Variants in PPFIA2 observed in about 807,000 individuals in gnomAD.
The protein encoded by PPFIA2 is liprin-alpha-2.
In PPFIA2, 46 loss-of-function variants were observed where a neutral mutation model predicts 175.5. That is an observed-to-expected ratio of 0.26 (90% confidence interval 0.21 to 0.34). The LOEUF (loss-of-function observed/expected upper bound fraction) is 0.34, where lower values mean the gene tolerates loss of function less well. PPFIA2 is among the 10% of genes least tolerant of loss of function. The probability of loss-of-function intolerance (pLI) is 1.00; values close to 1 mark genes in which losing one functional copy is unlikely to be tolerated. For synonymous variants in PPFIA2, 568 were observed against 511.4 expected, an observed-to-expected ratio of 1.11 and a Z score of -1.49; for missense variants, 1,179 against 1,506.1, an observed-to-expected ratio of 0.78 and a Z score of 3.60.
rs1567544266 is a variant in PPFIA2 at position 81,605,679 on chromosome 12, CTA to C, written c.303+71110_303+71111del. On this transcript the variant is annotated intron_variant, in intron 4 of 32. Coordinates refer to ENST00000549396, the MANE Select transcript of PPFIA2 (RefSeq NM_003625.5). ...TCTATCTATCTATCTATCTATCTAT[CTA>C]TCTATCTATCTAATCTGTCTATAAT... 9.7e-3 allele frequency among the ~76,000 whole-genome samples: 1,464 copies of C among 150,932 alleles called. 30 individuals carry two copies. Among genetic ancestry groups the C allele is most frequent in the African/African-American group, 0.033 (1,363 of 41,364 alleles).
At chr12:81,302,176 C>G in intron 22 of PPFIA2, 1 of 414,822 alleles carries the variant, frequency 2.4e-6, no homozygotes, top group South Asian at 1.8e-5. Flanking sequence ...ATAGCTTTTT[C>G]TATTTTACCT....
intron 3 of PPFIA2, among the ~76,000 whole-genome samples, chr12:81,703,442 T>C: frequency 6.6e-6 from 1 of 152,112 alleles, no homozygotes; most frequent in East Asian, 1.9e-4. Flanking sequence ...GTCCTATCAA[T>C]CCAATGTACA....
chr12:81,587,355 C>T (rs1215320835), intron 4 of PPFIA2, among the ~76,000 whole-genome samples: 1 of 151,934 alleles, frequency 6.6e-6, no homozygotes, highest in African/African-American at 2.4e-5. Flanking sequence ...CTCTCTCTTG[C>T]CTGCCACTTG....
chr12:81,710,363 A>T (rs1445695041), intron 3 of PPFIA2, among the ~76,000 whole-genome samples: 1 of 152,002 alleles, frequency 6.6e-6, no homozygotes, highest in Admixed American at 6.6e-5. Context: ...ACACATGTAC[A>T]TGCTATATAT....
At chr12:81,367,697 TA>T in intron 13 of PPFIA2, among the ~76,000 whole-genome samples, 1 of 151,634 alleles carries the variant, frequency 6.6e-6, no homozygotes, top group Non-Finnish European at 1.5e-5. Flanking sequence ...TTCAGAAACC[TA>T]ATATTACATG....
intron 4 of PPFIA2, among the ~76,000 whole-genome samples, chr12:81,557,996 C>A (rs1225405939): frequency 6.6e-6 from 1 of 152,018 alleles, no homozygotes; most frequent in Non-Finnish European, 1.5e-5. Context: ...ATTGGTGGTC[C>A]TGTCTCAAAT....
At chr12:81,646,866 G>A (rs920709995) in intron 4 of PPFIA2, among the ~76,000 whole-genome samples, 2 of 150,898 alleles carry the variant, frequency 1.3e-5, no homozygotes, top group African/African-American at 2.4e-5. Context: ...AAGGAGGGAA[G>A]GAATGAAAGA....
rs1306159644 is a variant in PPFIA2 at position 81,729,443 on chromosome 12, T to G, written c.249+24530A>C. ...GTCTTTCTGTATCCTACACTGTACT[T>G]TGCAGTGAATTCCTGACTTTGATAT... On this transcript the variant is annotated intron_variant, in intron 3 of 32. Coordinates refer to ENST00000549396, the MANE Select transcript of PPFIA2 (RefSeq NM_003625.5). Among the ~76,000 whole-genome samples the G allele has an allele frequency of 2.0e-5, 3 of 151,552 alleles. No individual in the cohort carries two copies. In the Admixed American group the frequency reaches 2.0e-4, roughly 10 times the overall value.
intron 7 of PPFIA2, among the ~76,000 whole-genome samples, chr12:81,407,119 T>C (rs1324537019): frequency 6.6e-6 from 1 of 152,216 alleles, no homozygotes; most frequent in Non-Finnish European, 1.5e-5. Flanking sequence ...ATCTACAATC[T>C]ATTATCCACA....
At chr12:81,737,889 C>A (rs1250986073) in intron 3 of PPFIA2, among the ~76,000 whole-genome samples, 1 of 151,578 alleles carries the variant, frequency 6.6e-6, no homozygotes, top group Non-Finnish European at 1.5e-5. Flanking sequence ...TGAGAACTAG[C>A]ATATAGGAAG....
chr12:81,404,751 T>C (rs2042638541), intron 8 of PPFIA2, among the ~76,000 whole-genome samples: 2 of 152,176 alleles, frequency 1.3e-5, no homozygotes, highest in South Asian at 2.1e-4. Context: ...GCTTTTCTAC[T>C]TGAAGGAAGA....
rs550419692 is a variant in PPFIA2 at position 81,333,321 on chromosome 12, G to A, written c.2548+5859C>T. Among the ~76,000 whole-genome samples, 12 of 152,256 alleles carry A rather than the reference G, an allele frequency of 7.9e-5. 1 individual carries two copies. The South Asian group carries it at 2.5e-3, about 32-fold the overall frequency. ...TGAAAAGGACAATAGCTCTTATACA[G>A]AACAACTCTTCAAATGTTGTGATCA... On this transcript the variant is annotated intron_variant, in intron 21 of 32. Coordinates refer to ENST00000549396, the MANE Select transcript of PPFIA2 (RefSeq NM_003625.5).
chr12:81,585,776 T>C (rs148584513), intron 4 of PPFIA2, among the ~76,000 whole-genome samples: 26 of 152,062 alleles, frequency 1.7e-4, no homozygotes, highest in African/African-American at 5.5e-4. Context: ...TCAATTAAAA[T>C]ATTGTATAGT....
chr12:81,386,216 T>G (rs2142056964), intron 8 of PPFIA2, among the ~76,000 whole-genome samples: 1 of 151,654 alleles, frequency 6.6e-6, no homozygotes, highest in East Asian at 1.9e-4. Flanking sequence ...AGTTTGAGGC[T>G]GTAGTGAGCC....
Position 81,356,429 on chromosome 12 carries a change from G to A in PPFIA2, c.1773+1653C>T, listed in dbSNP as rs544921555. On this transcript the variant is annotated intron_variant, in intron 16 of 32. Coordinates refer to ENST00000549396, the MANE Select transcript of PPFIA2 (RefSeq NM_003625.5). Reference sequence around the variant, plus strand: ...TATAATCCCAGCACTTTGGGAGGCTGAGGTGGGCAGATCACTTGAGCACAG... The same window carrying A: ...TATAATCCCAGCACTTTGGGAGGCTAAGGTGGGCAGATCACTTGAGCACAG... Among the ~76,000 whole-genome samples, 8 of 152,220 alleles carry A rather than the reference G, an allele frequency of 5.3e-5. No homozygotes were observed. In the East Asian group the frequency reaches 1.5e-3, roughly 29 times the overall value.
rs982271472 is a variant in PPFIA2, at chr12:81,263,350, C to A, written c.3596G>T (p.Arg1199Met). 1 of 1,613,184 alleles carries A rather than the reference C, an allele frequency of 6.2e-7. No individual in the cohort carries two copies. The highest frequency in any genetic ancestry group is 1.7e-5 in the Admixed American group (1 of 59,986). The change falls in exon 31 of 33, where the codon AGG becomes ATG. Residue 1199 changes from arginine (R) to methionine (M), a missense_variant. Physicochemically the swap from Arg to Met is moderately conservative, Grantham distance 91. Transcript: ENST00000549396. ...KNFRRGSTWRRQFPPREVHGI... is the reference protein window; with the variant it reads ...KNFRRGSTWRMQFPPREVHGI... ...ATGTACTTCACGAGGAGGAAACTGC[C>A]TTCTCCAGGTTGATCCACGTCTGAA...
chr12:81,349,204 T>G (rs556462725), intron 17 of PPFIA2, among the ~76,000 whole-genome samples: 1 of 152,188 alleles, frequency 6.6e-6, no homozygotes, highest in Non-Finnish European at 1.5e-5. Flanking sequence ...AAGTAGTATG[T>G]GTTTGCTGGC....
At position 81,619,376 on chromosome 12, in the gene PPFIA2, A is replaced by G. The variant is rs79648818; in HGVS notation, c.303+57415T>C. Among the ~76,000 whole-genome samples the G allele has an allele frequency of 1.7e-3, 252 of 152,346 alleles. 1 individual carries two copies. The highest frequency in any genetic ancestry group is 5.8e-3 in the African/African-American group (242 of 41,588). Reference sequence around the variant, plus strand: ...AGCAAAAGCAGTCCACTTAAATGCCATAAGATGTAAGTATCGTTTTTTCTT... The same window carrying G: ...AGCAAAAGCAGTCCACTTAAATGCCGTAAGATGTAAGTATCGTTTTTTCTT... On this transcript the variant is annotated intron_variant, in intron 4 of 32. Transcript: ENST00000549396.
chr12:81,371,812 G>A (rs186396005), intron 11 of PPFIA2, among the ~76,000 whole-genome samples: 57 of 151,514 alleles, frequency 3.8e-4, no homozygotes, highest in Middle Eastern at 3.4e-3. Flanking sequence ...GTATAAACTC[G>A]CCAAAGCAAA....
Sources: gnomAD v4.1 joint callset for allele counts (sites outside exome capture counted in the v4.1 genomes callset) on GRCh38, gnomAD v4.1.1 for gene constraint, MANE v1.5 for transcripts, NCBI Gene and HGNC (gene_info 2026-07-23, HGNC 2026-07-21) for gene names.